Variants in EHBP1 observed in about 807,000 individuals in gnomAD.
The protein encoded by EHBP1 is EH domain-binding protein 1.
A neutral mutation model predicts 144.0 loss-of-function variants in EHBP1; 55 were observed. That is an observed-to-expected ratio of 0.38 (90% CI 0.31 to 0.48). EHBP1 has a LOEUF of 0.48. Ranked by LOEUF, EHBP1 falls within the 20% of genes least tolerant of loss-of-function variation. The pLI, the probability that EHBP1 is intolerant of heterozygous loss-of-function variation, is 0.98. For missense variants in EHBP1, 1,200 were observed against 1,364.2 expected, an observed-to-expected ratio of 0.88 and a Z score of 1.90; for synonymous variants, 469 against 472.7, an observed-to-expected ratio of 0.99 and a Z score of 0.10.
intron 1 of EHBP1, among the ~76,000 whole-genome samples, chr2:62,682,242 T>C (rs959284837): frequency 2.0e-5 from 3 of 152,196 alleles, no homozygotes; most frequent in Non-Finnish European, 4.4e-5. Context: ...TATTTAATTG[T>C]TTACTAGGGT....
At chr2:63,002,971 A>G (rs2153229489) in intron 19 of EHBP1, among the ~76,000 whole-genome samples, 1 of 152,180 alleles carries the variant, frequency 6.6e-6, no homozygotes, top group African/African-American at 2.4e-5. Context: ...TCTCTGATTT[A>G]CTTTTATCTC....
chr2:62,750,835 T>C (rs529225547), intron 3 of EHBP1, among the ~76,000 whole-genome samples: 4 of 152,364 alleles, frequency 2.6e-5, no homozygotes, highest in Admixed American at 2.0e-4. Context: ...ATTGATTTTG[T>C]GTCCTGAGAC....
At chr2:62,777,183 G>T (rs1276629917) in intron 5 of EHBP1, among the ~76,000 whole-genome samples, 1 of 152,084 alleles carries the variant, frequency 6.6e-6, no homozygotes, top group Non-Finnish European at 1.5e-5. Flanking sequence ...TGTTGACTAG[G>T]CTGTTTTGAA....
intron 5 of EHBP1, among the ~76,000 whole-genome samples, chr2:62,788,365 C>T (rs780065798): frequency 2.0e-4 from 30 of 151,622 alleles, no homozygotes; most frequent in Non-Finnish European, 3.7e-4. Flanking sequence ...AAACCAAATT[C>T]TTCCAATTAA....
At chr2:62,803,327 A>G (rs181992736) in intron 5 of EHBP1, among the ~76,000 whole-genome samples, 1 of 152,282 alleles carries the variant, frequency 6.6e-6, no homozygotes, top group African/African-American at 2.4e-5. Context: ...CAAAAGGGAC[A>G]GTTATTTTAT....
intron 10 of EHBP1, among the ~76,000 whole-genome samples, chr2:62,931,402 T>A (rs2055979321): frequency 6.6e-6 from 1 of 152,168 alleles, no homozygotes; most frequent in Admixed American, 6.5e-5. Flanking sequence ...TTGGTGAGGA[T>A]GTAGAAGAAT....
Position 62,753,069 on chromosome 2 carries a change from G to A in EHBP1, c.162+5617G>A, listed in dbSNP as rs1024586683. Among the ~76,000 whole-genome samples the A allele has an allele frequency of 5.9e-5, 9 of 152,190 alleles. No homozygotes were observed. In the South Asian group the frequency reaches 1.7e-3, roughly 28 times the overall value. ...ATGATGTTAGCTGGTTATTTTGCTC[G>A]TTAGTTGATGCAGTTTCTTCCTAGC... On this transcript the variant is annotated intron_variant, in intron 3 of 22. Transcript: ENST00000431489.
At chr2:62,779,742 A>T (rs1351947703) in intron 5 of EHBP1, among the ~76,000 whole-genome samples, 1 of 152,236 alleles carries the variant, frequency 6.6e-6, no homozygotes, top group Non-Finnish European at 1.5e-5. Flanking sequence ...CTTGTCTTTC[A>T]TACAAATGTA....
At chr2:62,770,275 A>G (rs1203672295) in intron 4 of EHBP1, among the ~76,000 whole-genome samples, 2 of 152,224 alleles carry the variant, frequency 1.3e-5, no homozygotes, top group Non-Finnish European at 2.9e-5. Context: ...GCATCTGACA[A>G]AGGTCTAATA....
chr2:62,759,436 C>T (rs373239125), intron 3 of EHBP1, among the ~76,000 whole-genome samples: 2 of 152,006 alleles, frequency 1.3e-5, no homozygotes, highest in Non-Finnish European at 2.9e-5. Context: ...GATGGAGTCT[C>T]GCTCTGTCAT....
intron 3 of EHBP1, among the ~76,000 whole-genome samples, chr2:62,757,979 T>C (rs1025617920): frequency 5.3e-5 from 8 of 150,502 alleles, no homozygotes; most frequent in Non-Finnish European, 1.2e-4. Context: ...GCCACTGCGC[T>C]CTGGCCTGGG....
intron 7 of EHBP1, among the ~76,000 whole-genome samples, chr2:62,839,456 A>T (rs1191009276): frequency 6.9e-6 from 1 of 144,670 alleles, no homozygotes; most frequent in Non-Finnish European, 1.5e-5. Flanking sequence ...CTCTCTCACC[A>T]CTCCTATTCA....
intron 10 of EHBP1, chr2:62,940,345 A>G (rs994015883): frequency 4.9e-6 from 1 of 205,034 alleles, no homozygotes; most frequent in Non-Finnish European, 1.0e-5. Context: ...AGAGGTCAGT[A>G]TGGTTCAAAG....
intron 7 of EHBP1, among the ~76,000 whole-genome samples, chr2:62,839,529 T>A (rs1404586602): frequency 6.7e-4 from 100 of 149,270 alleles, no homozygotes; most frequent in Non-Finnish European, 1.3e-3. Context: ...GGGTATTCAA[T>A]TAGGAAAAGA....
chr2:62,960,383 A>G (rs2057941247), intron 14 of EHBP1, among the ~76,000 whole-genome samples: 1 of 152,054 alleles, frequency 6.6e-6, no homozygotes, highest in African/African-American at 2.4e-5. Context: ...TGAAATACCC[A>G]TCTTCCCTTA....
chr2:62,742,039 A>G (rs2038759662), intron 2 of EHBP1, among the ~76,000 whole-genome samples: 1 of 152,106 alleles, frequency 6.6e-6, no homozygotes, highest in African/African-American at 2.4e-5. Context: ...CTTAACCATT[A>G]TGTTAAAATT....
chr2:62,864,686 C>A, intron 8 of EHBP1, 45 bp from the exon 9 acceptor site: 1 of 1,548,074 alleles, frequency 6.5e-7, no homozygotes, highest in South Asian at 1.2e-5. Flanking sequence ...TAGAAAATAT[C>A]ATATGGTATT....
In EHBP1 at chr2:62,871,573, G is replaced by A. The variant is rs1056116709; in HGVS notation, c.999-2773G>A. ...CATCTTTTCTCTACAAAAGTTTATA[G>A]GTTCAATGTCAGTAGCAGAAATCTT... is the stretch of plus-strand genomic sequence containing the variant. On this transcript the variant is annotated intron_variant, in intron 9 of 22. Transcript: ENST00000431489. 7.9e-5 allele frequency among the ~76,000 whole-genome samples: 12 copies of A among 152,224 alleles called. No individual in the cohort carries two copies. The East Asian group carries it at 2.1e-3, about 27-fold the overall frequency.
chr2:63,022,870 T>C (rs1237464310), intron 19 of EHBP1, among the ~76,000 whole-genome samples: 1 of 152,150 alleles, frequency 6.6e-6, no homozygotes, highest in Non-Finnish European at 1.5e-5. Context: ...AGTTGATACC[T>C]ATTTTTTTTA....
Sources: allele counts gnomAD v4.1 joint callset (sites outside exome capture counted in the v4.1 genomes callset), GRCh38; gene constraint gnomAD v4.1.1; transcripts MANE v1.5; gene names NCBI Gene and HGNC (gene_info 2026-07-23, HGNC 2026-07-21).